USP48: variants seen among roughly 807,000 people sequenced by gnomAD.
The protein encoded by USP48 is ubiquitin carboxyl-terminal hydrolase 48.
Under a neutral mutation model 150.7 loss-of-function variants are expected in USP48, and 43 were observed. That is an observed-to-expected ratio of 0.29 (90% CI 0.22 to 0.37). The LOEUF (loss-of-function observed/expected upper bound fraction) is 0.37. USP48 is among the 10% of genes least tolerant of loss of function. USP48 has a pLI of 1.00. For synonymous variants in USP48, 396 were observed against 425.9 expected (o/e 0.93, Z 0.86); for missense variants, 813 against 1,249.6 (o/e 0.65, Z 5.27).
chr1:21,745,594 T>C (rs1232441579), intron 8 of USP48, among the ~76,000 whole-genome samples: 2 of 152,158 alleles, frequency 1.3e-5, no homozygotes, highest in Non-Finnish European at 2.9e-5. Flanking sequence ...AAATACTATA[T>C]TTAGTAAACC....
chr1:21,750,262 GAC>G (rs2097806498), intron 6 of USP48, among the ~76,000 whole-genome samples: 1 of 152,046 alleles, frequency 6.6e-6, no homozygotes. Flanking sequence ...CACCAGGCAA[GAC>G]ACATTCTCAT....
In USP48 at chr1:21,753,011, A is replaced by G; in HGVS notation, c.521T>C (p.Leu174Pro). ...TCTTACCTGCTGTTGTCCAGTGTCC[A>G]GGCCCAAGGCTTTAACAAATCCTGA... is the stretch of plus-strand genomic sequence containing the variant. ...DPSGFVKALG[L>P]DTGQQQDAQE... The change falls in exon 4 of 27, where the codon CTG (leucine) becomes CCG (proline). Residue 174 changes from leucine to proline, a missense_variant. Leu to Pro is a moderately conservative substitution (Grantham distance 98). Coordinates refer to ENST00000308271, the MANE Select transcript of USP48 (RefSeq NM_032236.8). 1 of 1,603,714 alleles carries G rather than the reference A, an allele frequency of 6.2e-7. No individual in the cohort carries two copies. Among genetic ancestry groups the G allele is most frequent in the Non-Finnish European group, 8.5e-7 (1 of 1,177,548 alleles).
chr1:21,743,749 C>G (rs1304664570), intron 8 of USP48, among the ~76,000 whole-genome samples: 1 of 152,070 alleles, frequency 6.6e-6, no homozygotes, highest in Non-Finnish European at 1.5e-5. Context: ...CTTTCTTGAT[C>G]TGGGGAGTAC....
At chr1:21,752,769 C>T in intron 4 of USP48, 118 bp from the exon 5 acceptor site, 1 of 1,256,052 alleles carries the variant, frequency 8.0e-7, no homozygotes, top group Non-Finnish European at 1.1e-6. Flanking sequence ...CATTTTCAAA[C>T]AGGGGCTACA....
At chr1:21,734,082 A>G (rs928758873) in intron 9 of USP48, among the ~76,000 whole-genome samples, 1 of 152,274 alleles carries the variant, frequency 6.6e-6, no homozygotes, top group South Asian at 2.1e-4. Context: ...CTGAAGTTCT[A>G]TAAACACAGA....
At chr1:21,699,568 C>T (rs1290784467) in intron 22 of USP48, among the ~76,000 whole-genome samples, 1 of 151,494 alleles carries the variant, frequency 6.6e-6, no homozygotes, top group East Asian at 1.9e-4. Flanking sequence ...GGCTGGAGTG[C>T]AGTGGCGTGA....
intron 15 of USP48, among the ~76,000 whole-genome samples, chr1:21,713,561 C>G (rs1482767516): frequency 6.6e-6 from 1 of 152,160 alleles, no homozygotes; most frequent in South Asian, 2.1e-4. Flanking sequence ...CTAAGGAGCA[C>G]GAGGGCAATC....
intron 23 of USP48, among the ~76,000 whole-genome samples, chr1:21,693,348 C>G (rs1167207101): frequency 6.6e-6 from 1 of 152,168 alleles, no homozygotes; most frequent in Non-Finnish European, 1.5e-5. Context: ...TCCACACTGC[C>G]AGGCAAATAG....
intron 9 of USP48, among the ~76,000 whole-genome samples, chr1:21,735,221 T>G (rs1222692274): frequency 6.6e-6 from 1 of 152,250 alleles, no homozygotes; most frequent in East Asian, 1.9e-4. Context: ...ATCATTTGCC[T>G]TCAAGCTTTA....
intron 9 of USP48, among the ~76,000 whole-genome samples, chr1:21,732,345 G>A (rs146991469): frequency 7.4e-4 from 112 of 152,232 alleles, no homozygotes; most frequent in African/African-American, 2.6e-3. Flanking sequence ...AATTCACCAC[G>A]TGCTTTTCTA....
At chr1:21,767,292 G>A (rs1370401681) in intron 1 of USP48, among the ~76,000 whole-genome samples, 2 of 152,016 alleles carry the variant, frequency 1.3e-5, no homozygotes, top group Non-Finnish European at 2.9e-5. Flanking sequence ...AGGATTATAG[G>A]CATGAGCCAC....
rs199920912 is a variant in USP48 at position 21,767,559 on chromosome 1, G to A, written c.135-9776C>T. Among the ~76,000 whole-genome samples, 26 of 151,434 alleles carry A rather than the reference G, an allele frequency of 1.7e-4. No individual in the cohort carries two copies. The East Asian group carries it at 3.1e-3, about 18-fold the overall frequency. On this transcript the variant is annotated intron_variant, in intron 1 of 26. Coordinates refer to ENST00000308271, the MANE Select transcript of USP48 (RefSeq NM_032236.8). ...AGGCTGGTCTCGATCTCCTAACCTCGTGACCTGCCCACCTCGGCCTCCCAA... is the reference window on the plus strand; with the variant it reads ...AGGCTGGTCTCGATCTCCTAACCTCATGACCTGCCCACCTCGGCCTCCCAA...
In USP48 at chr1:21,724,209, G is replaced by C. The variant is rs752735222; in HGVS notation, c.1451-114C>G. 2.6e-5 allele frequency: 28 copies of C among 1,058,806 alleles called. No individual in the cohort carries two copies. The African/African-American group carries it at 4.1e-4, about 16-fold the overall frequency. 65.6% of individuals were successfully genotyped at this position (1,058,806 alleles called of 1,614,324 possible). On this transcript the variant is annotated intron_variant, in intron 11 of 26. Coordinates refer to ENST00000308271, the MANE Select transcript of USP48 (RefSeq NM_032236.8). The stretch of plus-strand genomic sequence containing the variant: ...ACTCTGTCCAGAGTTAGCAGAATCA[G>C]AAGAATCATTGTCTGGGGGAAGATG...
intron 1 of USP48, among the ~76,000 whole-genome samples, chr1:21,762,298 T>C (rs1470384958): frequency 6.6e-6 from 1 of 151,760 alleles, no homozygotes; most frequent in Non-Finnish European, 1.5e-5. Flanking sequence ...CAAAACTGAT[T>C]CTGAGACTGA....
chr1:21,753,597 C>A lies in USP48; in HGVS notation c.413-478G>T, dbSNP rs143274655. 8.8e-4 allele frequency among the ~76,000 whole-genome samples: 133 copies of A among 151,978 alleles called. No individual in the cohort carries two copies. In the East Asian group the frequency reaches 0.025, roughly 28 times the overall value. On this transcript the variant is annotated intron_variant, in intron 3 of 26. Coordinates refer to ENST00000308271, the MANE Select transcript of USP48 (RefSeq NM_032236.8). ...ATCCCCGCACTTTGGGAGGCAGAGG[C>A]GGGCGAATAATCTGAGGTCAGGAGT...
intron 10 of USP48, among the ~76,000 whole-genome samples, chr1:21,729,190 C>A (rs2097749226): frequency 6.6e-6 from 1 of 150,824 alleles, no homozygotes; most frequent in African/African-American, 2.4e-5. Flanking sequence ...GGCTGAGGCA[C>A]AGAACTGCTT....
At chr1:21,751,454 C>A (rs769217863) in intron 6 of USP48, 53 bp downstream of exon 6, 1 of 1,334,260 alleles carries the variant, frequency 7.5e-7, no homozygotes, top group African/African-American at 1.4e-5. Context: ...GCATTCAGAA[C>A]AGCATTTAAC....
At chr1:21,697,357 T>C (rs1470371857) in intron 22 of USP48, among the ~76,000 whole-genome samples, 1 of 151,336 alleles carries the variant, frequency 6.6e-6, no homozygotes, top group Non-Finnish European at 1.5e-5. Context: ...TTTTTCTCAG[T>C]CTCGACTGTT....
chr1:21,689,228 T>C (rs1240735963), intron 24 of USP48, among the ~76,000 whole-genome samples: 1 of 149,746 alleles, frequency 6.7e-6, no homozygotes, highest in Non-Finnish European at 1.5e-5. Flanking sequence ...TTTTTTTTTT[T>C]GTGGGGGCAG....
Sources: allele counts gnomAD v4.1 joint callset (sites outside exome capture counted in the v4.1 genomes callset), GRCh38; gene constraint gnomAD v4.1.1; transcripts MANE v1.5; gene names NCBI Gene and HGNC (gene_info 2026-07-23, HGNC 2026-07-21).